Variants in FGF14 observed in about 807,000 individuals in gnomAD.
FGF14 encodes the protein fibroblast growth factor homologous factor 4.
A neutral mutation model predicts 25.5 loss-of-function variants in FGF14; 5 were observed. The ratio of observed to expected loss-of-function variants is 0.20; its 90% CI spans 0.10 to 0.41. The LOEUF (loss-of-function observed/expected upper bound fraction) is 0.41. Among genes scored for constraint, FGF14 ranks in the 10% least tolerant of loss-of-function variants. The pLI is 1.00. For synonymous variants in FGF14, 138 were observed against 118.3 expected (o/e 1.17, Z -1.08); for missense variants, 222 against 320.1 (o/e 0.69, Z 2.34).
At chr13:101,767,776 G>T (rs946218409) in intron 3 of FGF14, among the ~76,000 whole-genome samples, 24 of 151,980 alleles carry the variant, frequency 1.6e-4, no homozygotes, top group African/African-American at 5.8e-4. Flanking sequence ...TACCCTGTTG[G>T]GACAAAGCTC....
At chr13:101,818,084 C>A (rs1372969797) in intron 3 of FGF14, among the ~76,000 whole-genome samples, 2 of 152,152 alleles carry the variant, frequency 1.3e-5, no homozygotes, top group Admixed American at 1.3e-4. Flanking sequence ...GACTAAGACA[C>A]AAACCATGAC....
intron 1 of FGF14, among the ~76,000 whole-genome samples, chr13:101,985,720 T>C (rs4097137): frequency 1.3e-5 from 2 of 152,090 alleles, no homozygotes; most frequent in Admixed American, 6.6e-5. Flanking sequence ...ATGCTATGCA[T>C]AAATTTGTGA....
chr13:101,806,613 C>T (rs1266225328), intron 3 of FGF14, among the ~76,000 whole-genome samples: 1 of 151,910 alleles, frequency 6.6e-6, no homozygotes, highest in Non-Finnish European at 1.5e-5. Flanking sequence ...AAAAGGGACA[C>T]AGCTTTAAAA....
chr13:101,843,835 A>G (rs1179244367), intron 3 of FGF14, among the ~76,000 whole-genome samples: 1 of 152,036 alleles, frequency 6.6e-6, no homozygotes, highest in Non-Finnish European at 1.5e-5. Context: ...AAATGCATGT[A>G]AAGAGAGCTC....
intron 1 of FGF14, among the ~76,000 whole-genome samples, chr13:101,913,274 C>A (rs2033137920): frequency 6.6e-6 from 1 of 152,062 alleles, no homozygotes; most frequent in South Asian, 2.1e-4. Flanking sequence ...CTGTGGAGGT[C>A]GGTGGAGGGT....
intron 1 of FGF14, among the ~76,000 whole-genome samples, chr13:102,318,248 C>T (rs77857123): frequency 0.022 from 3,401 of 152,212 alleles, 133 homozygotes; most frequent in African/African-American, 0.077. Context: ...GAAATCTACT[C>T]ACATAGGGAG....
chr13:102,092,268 C>T (rs1300244243), intron 1 of FGF14, among the ~76,000 whole-genome samples: 1 of 152,154 alleles, frequency 6.6e-6, no homozygotes, highest in African/African-American at 2.4e-5. Flanking sequence ...CCATGCCATA[C>T]AAGATATGAA....
At chr13:102,248,838 C>T (rs754102988) in intron 1 of FGF14, among the ~76,000 whole-genome samples, 4 of 152,090 alleles carry the variant, frequency 2.6e-5, no homozygotes, top group Middle Eastern at 3.4e-3. Context: ...GGCAGTAGAA[C>T]GAAAGCTGAA....
intron 3 of FGF14, among the ~76,000 whole-genome samples, chr13:101,800,966 G>C (rs1002211057): frequency 1.3e-5 from 2 of 152,190 alleles, no homozygotes; most frequent in Non-Finnish European, 2.9e-5. Context: ...CTGTTAAACT[G>C]TTTTAGAAAA....
At chr13:102,088,908 C>G (rs1264953116) in intron 1 of FGF14, among the ~76,000 whole-genome samples, 1 of 152,116 alleles carries the variant, frequency 6.6e-6, no homozygotes, top group East Asian at 1.9e-4. Context: ...CATTCTTGAT[C>G]CACATATTGT....
At chr13:102,188,897 C>T (rs551835154) in intron 1 of FGF14, among the ~76,000 whole-genome samples, 1 of 146,776 alleles carries the variant, frequency 6.8e-6, no homozygotes, top group East Asian at 2.0e-4. Flanking sequence ...GCTGAGACTG[C>T]ACCACTGCAC....
At chr13:101,923,505 T>C (rs1165130643) in intron 1 of FGF14, among the ~76,000 whole-genome samples, 1 of 152,116 alleles carries the variant, frequency 6.6e-6, no homozygotes, top group Non-Finnish European at 1.5e-5. Flanking sequence ...TATTAGTATG[T>C]ACTTGGGGCA....
chr13:101,971,221 T>G (rs1298691167), intron 1 of FGF14, among the ~76,000 whole-genome samples: 1 of 152,162 alleles, frequency 6.6e-6, no homozygotes, highest in Non-Finnish European at 1.5e-5. Flanking sequence ...AAATTAAGTT[T>G]TAATTCTGTT....
intron 1 of FGF14, among the ~76,000 whole-genome samples, chr13:102,030,435 C>T (rs1458587215): frequency 6.6e-6 from 1 of 151,960 alleles, no homozygotes; most frequent in African/African-American, 2.4e-5. Context: ...AGCCAACCTT[C>T]AGCAGAAAGA....
chr13:102,294,404 CTGTT>C (rs910204838), intron 1 of FGF14, among the ~76,000 whole-genome samples: 5 of 150,090 alleles, frequency 3.3e-5, no homozygotes, highest in South Asian at 2.1e-4. Flanking sequence ...TTCTAGAAGA[CTGTT>C]TGGTCCAAAA....
At chr13:101,731,616 G>A (rs930103979) in intron 3 of FGF14, among the ~76,000 whole-genome samples, 1 of 152,120 alleles carries the variant, frequency 6.6e-6, no homozygotes, top group Non-Finnish European at 1.5e-5. Flanking sequence ...GGAAAATACC[G>A]TGATGGGCCA....
intron 3 of FGF14, among the ~76,000 whole-genome samples, chr13:101,834,229 T>C (rs1052169107): frequency 9.2e-5 from 14 of 152,132 alleles, no homozygotes; most frequent in Non-Finnish European, 1.6e-4. Context: ...TATTTTGCTA[T>C]GGCCTGTTAT....
intron 1 of FGF14, among the ~76,000 whole-genome samples, chr13:102,133,490 G>A (rs1183835851): frequency 6.6e-6 from 1 of 152,114 alleles, no homozygotes; most frequent in African/African-American, 2.4e-5. Flanking sequence ...TATCATAGAA[G>A]ACTAAATATA....
intron 3 of FGF14, among the ~76,000 whole-genome samples, chr13:101,816,487 C>G (rs887269022): frequency 6.6e-6 from 1 of 151,972 alleles, no homozygotes; most frequent in African/African-American, 2.4e-5. Flanking sequence ...ATATAATTAC[C>G]TGGGTCACTG....
Sources: allele counts gnomAD v4.1 joint callset (sites outside exome capture counted in the v4.1 genomes callset), GRCh38; gene constraint gnomAD v4.1.1; transcripts MANE v1.5; gene names NCBI Gene and HGNC (gene_info 2026-07-23, HGNC 2026-07-21).